SEC62: variants seen among roughly 807,000 people sequenced by gnomAD.
SEC62 encodes SEC62 preprotein translocation factor, also known as translocation protein SEC62.
SEC62 carries 10 observed loss-of-function variants against 47.5 expected under a neutral mutation model. The observed-to-expected ratio is 0.21, with a 90% CI of 0.13 to 0.36. The LOEUF (loss-of-function observed/expected upper bound fraction) is 0.36, where lower values mean the gene tolerates loss of function less well. Among genes scored for constraint, SEC62 ranks in the 10% least tolerant of loss-of-function variants. SEC62 has a pLI of 1.00. For missense variants in SEC62, 327 were observed against 464.1 expected, an observed-to-expected ratio of 0.70 and a Z score of 2.71; for synonymous variants, 136 against 150.5, an observed-to-expected ratio of 0.90 and a Z score of 0.71.
chr3:169,976,745 A>C (rs1714848192), intron 2 of SEC62, among the ~76,000 whole-genome samples: 1 of 152,214 alleles, frequency 6.6e-6, no homozygotes, highest in Non-Finnish European at 1.5e-5. Flanking sequence ...TCCCAACATT[A>C]CTTTTAAAAG....
rs1173441614 is a variant in SEC62, at chr3:169,994,713, T to C, written c.*1650T>C. 6.6e-6 allele frequency: 1 copy of C among 152,206 alleles called. No homozygotes were observed. The highest frequency in any genetic ancestry group is 1.9e-4 in the East Asian group (1 of 5,204). The allele number at this position is 152,206 out of a possible 1,614,324, so 9.4% of individuals were successfully genotyped here. ...TATATAATGATCACTTCTGAGTTTA[T>C]CACCAGTAACATTGATACCTATTTT... is the stretch of plus-strand genomic sequence containing the variant. On this transcript the variant is annotated 3_prime_UTR_variant, in exon 8 of 8. Transcript: ENST00000337002.
intron 7 of SEC62, among the ~76,000 whole-genome samples, chr3:169,988,750 G>A (rs1393547773): frequency 6.6e-6 from 1 of 151,914 alleles, no homozygotes; most frequent in African/African-American, 2.4e-5. Context: ...TACTTATTTT[G>A]AAATATACCA....
At chr3:169,975,298 A>C (rs1052600465) in intron 1 of SEC62, among the ~76,000 whole-genome samples, 4 of 151,572 alleles carry the variant, frequency 2.6e-5, no homozygotes, top group Non-Finnish European at 5.9e-5. Flanking sequence ...AAAAAAAAAA[A>C]GACCGTATAA....
At chr3:169,971,704 C>A (rs1040111483) in intron 1 of SEC62, among the ~76,000 whole-genome samples, 1 of 152,082 alleles carries the variant, frequency 6.6e-6, no homozygotes, top group East Asian at 1.9e-4. Flanking sequence ...ATCAGGTTCC[C>A]TATTGCGTAA....
chr3:169,978,937 T>C lies in SEC62; in HGVS notation c.251+1886T>C, dbSNP rs550914288. On this transcript the variant is annotated intron_variant, in intron 3 of 7. Transcript: ENST00000337002. ...CACAGTCTGTGTTCTTAACTACCGC[T>C]CTATACTGTCTCCTCCAACAAAATG... Among the ~76,000 whole-genome samples, 5 of 152,300 alleles carry C rather than the reference T, an allele frequency of 3.3e-5. No homozygotes were observed. The East Asian group carries it at 9.6e-4, about 29-fold the overall frequency.
At chr3:169,980,056 TACTC>T (rs1027340182) in intron 3 of SEC62, among the ~76,000 whole-genome samples, 7 of 152,146 alleles carry the variant, frequency 4.6e-5, no homozygotes, top group African/African-American at 1.7e-4. Flanking sequence ...TAAAACCACT[TACTC>T]AACAAATAGT....
At chr3:169,976,126 G>A (rs146478602) in intron 2 of SEC62, among the ~76,000 whole-genome samples, 3 of 152,176 alleles carry the variant, frequency 2.0e-5, no homozygotes, top group South Asian at 2.1e-4. Context: ...GCTGGGTGTC[G>A]TGGCTCACAC....
chr3:169,971,774 A>G (rs1181485986), intron 1 of SEC62, among the ~76,000 whole-genome samples: 1 of 152,202 alleles, frequency 6.6e-6, no homozygotes, highest in Non-Finnish European at 1.5e-5. Flanking sequence ...TTTACATGTG[A>G]TGCCTCTATC....
chr3:169,973,236 T>C (rs979170075), intron 1 of SEC62, among the ~76,000 whole-genome samples: 12 of 152,202 alleles, frequency 7.9e-5, no homozygotes, highest in Admixed American at 2.0e-4. Context: ...TTTCAAAAAT[T>C]TTAATTAGGA....
At chr3:169,990,818 C>G (rs750953538) in intron 7 of SEC62, among the ~76,000 whole-genome samples, 2 of 152,074 alleles carry the variant, frequency 1.3e-5, no homozygotes, top group Non-Finnish European at 2.9e-5. Context: ...ATAAAAATTG[C>G]TATTTTTAAA....
At chr3:169,976,518 G>T (rs957531300) in intron 2 of SEC62, among the ~76,000 whole-genome samples, 4 of 152,208 alleles carry the variant, frequency 2.6e-5, no homozygotes, top group Non-Finnish European at 4.4e-5. Context: ...GCTGTTTCTT[G>T]TGACAGCAGT....
intron 4 of SEC62, 116 bp downstream of exon 4, chr3:169,983,027 A>C: frequency 1.3e-6 from 2 of 1,483,106 alleles, no homozygotes; most frequent in Non-Finnish European, 1.8e-6. Context: ...ACTATATTAG[A>C]GTTGTTATAA....
Position 169,996,842 on chromosome 3 carries a change from A to T in SEC62, c.*3779A>T, listed in dbSNP as rs1352346258. 6.6e-6 allele frequency: 1 copy of T among 152,344 alleles called. No individual in the cohort carries two copies. The highest frequency in any genetic ancestry group is 1.5e-5 in the Non-Finnish European group (1 of 68,040). 9.4% of individuals were successfully genotyped at this position (152,344 alleles called of 1,614,324 possible). ...AAGCTACTGTGCTTCCTCTTTGGGT[A>T]GCCTATACCTATACTTATCTCCTCA... On this transcript the variant is annotated 3_prime_UTR_variant, in exon 8 of 8. Coordinates refer to ENST00000337002, the MANE Select transcript of SEC62 (RefSeq NM_003262.4).
At position 169,982,859 on chromosome 3, in the gene SEC62, C is replaced by G; in HGVS notation, c.404C>G (p.Thr135Arg). 1 of 1,442,422 alleles carries G rather than the reference C, an allele frequency of 6.9e-7. No homozygotes were observed. Among genetic ancestry groups the G allele is most frequent in the Non-Finnish European group, 9.1e-7 (1 of 1,100,668 alleles). The allele number at this position is 1,442,422 out of a possible 1,614,324, so 89.4% of individuals were successfully genotyped here. Residue 135 changes from threonine (T) to arginine (R), a missense_variant, in exon 4 of 8, where the codon ACA (threonine) becomes AGA (arginine). Transcript: ENST00000337002. ...AAAGAAAATATAAAGGATGAGAAGA[C>G]AAAAAAAGAAAAAGAGAAAAAAAAA... ...SKKENIKDEK[T>R]KKEKEKKKDG...
intron 7 of SEC62, among the ~76,000 whole-genome samples, chr3:169,990,300 T>C (rs937195473): frequency 1.3e-5 from 2 of 151,920 alleles, no homozygotes; most frequent in South Asian, 2.1e-4. Flanking sequence ...TCTTGAAATA[T>C]TATGTATTGG....
At chr3:169,985,892 A>G (rs376240582) in intron 6 of SEC62, 27 bp downstream of exon 6, 22 of 1,523,542 alleles carry the variant, frequency 1.4e-5, no homozygotes, top group Non-Finnish European at 2.0e-5. Flanking sequence ...TAATAGCTAT[A>G]AAGTGCAATC....
chr3:169,970,119 T>G (rs543015941), intron 1 of SEC62, among the ~76,000 whole-genome samples: 5 of 152,302 alleles, frequency 3.3e-5, no homozygotes, highest in African/African-American at 1.2e-4. Context: ...CTCAAAGGCT[T>G]AATGGAGGGT....
chr3:169,987,416 T>C (rs1346548371), intron 6 of SEC62, among the ~76,000 whole-genome samples: 1 of 152,096 alleles, frequency 6.6e-6, no homozygotes, highest in Non-Finnish European at 1.5e-5. Context: ...AAGACTCTGT[T>C]TCAGAAAACA....
intron 7 of SEC62, among the ~76,000 whole-genome samples, chr3:169,990,854 T>G (rs1021168223): frequency 1.3e-5 from 2 of 152,228 alleles, no homozygotes; most frequent in East Asian, 3.8e-4. Context: ...AACGATTTTC[T>G]TCCATTTATA....
Sources: gnomAD v4.1 joint callset for allele counts (sites outside exome capture counted in the v4.1 genomes callset) on GRCh38, gnomAD v4.1.1 for gene constraint, MANE v1.5 for transcripts, NCBI Gene and HGNC (gene_info 2026-07-23, HGNC 2026-07-21) for gene names.